The following LGR4 variants were observed in gnomAD, a reference collection of about 807,000 sequenced individuals.
LGR4 encodes leucine-rich repeat-containing G protein-coupled receptor 4.
Under a neutral mutation model 84.8 loss-of-function variants are expected in LGR4, and 44 were observed. The ratio of observed to expected loss-of-function variants is 0.52; its 90% CI spans 0.41 to 0.67. The LOEUF is 0.67. Among genes scored for constraint, LGR4 ranks in the 30% least tolerant of loss-of-function variants. The pLI, the probability that LGR4 is intolerant of heterozygous loss-of-function variation, is 0.00. For synonymous variants in LGR4, 429 were observed against 434.3 expected, an observed-to-expected ratio of 0.99 and a Z score of 0.15; for missense variants, 1,032 against 1,131.4, an observed-to-expected ratio of 0.91 and a Z score of 1.26.
At chr11:27,463,023 A>G (rs1565101701) in intron 1 of LGR4, among the ~76,000 whole-genome samples, 1 of 138,016 alleles carries the variant, frequency 7.2e-6, no homozygotes, top group East Asian at 2.3e-4. Context: ...ACTTGAGCCC[A>G]GGAGTTCAAG....
At chr11:27,397,504 A>C (rs1863413308) in intron 2 of LGR4, among the ~76,000 whole-genome samples, 1 of 152,162 alleles carries the variant, frequency 6.6e-6, no homozygotes, top group Admixed American at 6.5e-5. Context: ...CCCCATTGTA[A>C]GACTCTGGAT....
intron 2 of LGR4, among the ~76,000 whole-genome samples, chr11:27,399,720 C>T (rs1253150225): frequency 6.6e-6 from 1 of 151,600 alleles, no homozygotes; most frequent in Non-Finnish European, 1.5e-5. Flanking sequence ...GGTTTCACCA[C>T]GTTGGCCAGG....
Position 27,371,227 on chromosome 11 carries a change from C to A in LGR4, c.1579+388G>T, listed in dbSNP as rs910252383. Among the ~76,000 whole-genome samples the A allele has an allele frequency of 3.3e-5, 5 of 152,076 alleles. No individual in the cohort carries two copies. In the East Asian group the frequency reaches 9.6e-4, roughly 29 times the overall value. Reference sequence around the variant, plus strand: ...CAGTTTAATAACTTTCCCAAGACTACGAAGTTCAATGAAGTAAATGAGGGG... The same window carrying A: ...CAGTTTAATAACTTTCCCAAGACTAAGAAGTTCAATGAAGTAAATGAGGGG... On this transcript the variant is annotated intron_variant, in intron 17 of 17. Transcript: ENST00000379214.
intron 1 of LGR4, among the ~76,000 whole-genome samples, chr11:27,471,083 G>C (rs956630599): frequency 2.0e-5 from 3 of 152,060 alleles, no homozygotes; most frequent in African/African-American, 4.8e-5. Flanking sequence ...GCCACGCAAC[G>C]CAAGAAGCAA....
chr11:27,398,046 T>G (rs976071282), intron 2 of LGR4, among the ~76,000 whole-genome samples: 1 of 152,248 alleles, frequency 6.6e-6, no homozygotes, highest in African/African-American at 2.4e-5. Flanking sequence ...CTCTTTTGTG[T>G]GCATTTATTA....
chr11:27,392,217 C>T (rs892530051), intron 3 of LGR4, among the ~76,000 whole-genome samples: 22 of 152,042 alleles, frequency 1.4e-4, no homozygotes, highest in African/African-American at 4.6e-4. Context: ...AACATTCAAC[C>T]GTAATATACT....
chr11:27,375,652 G>A (rs201721061), intron 13 of LGR4, among the ~76,000 whole-genome samples: 1 of 152,076 alleles, frequency 6.6e-6, no homozygotes, highest in South Asian at 2.1e-4. Context: ...AGCTTTAGAC[G>A]GCACTTTAAT....
rs536515888 is a variant in LGR4 at position 27,409,972 on chromosome 11, T to C, written c.257+2817A>G. ...CATTTCTCCCCCTAGATCAATGTTG[T>C]CCAATAGAACTTTCTGCAATGATGG... On this transcript the variant is annotated intron_variant, in intron 2 of 17. Transcript: ENST00000379214. Among the ~76,000 whole-genome samples the C allele has an allele frequency of 9.2e-5, 14 of 152,276 alleles. No individual in the cohort carries two copies. The East Asian group carries it at 2.1e-3, about 23-fold the overall frequency.
Position 27,376,509 on chromosome 11 carries a change from T to C in LGR4, c.1110-139A>G, listed in dbSNP as rs1440801254. On this transcript the variant is annotated intron_variant, in intron 12 of 17. Transcript: ENST00000379214. The stretch of plus-strand genomic sequence containing the variant: ...AAATAACATTATAACATTTCTTAGT[T>C]GAGTTTTTTCTAAATTTAAATAACT... The C allele has an allele frequency of 2.3e-5, 11 of 479,714 alleles. No homozygotes were observed. In the Admixed American group the frequency reaches 4.2e-4, roughly 18 times the overall value. The allele number at this position is 479,714 out of a possible 1,614,324, so 29.7% of individuals were successfully genotyped here. A position where few individuals can be genotyped will look rare whatever the true frequency, so the allele number is the denominator to read the frequency against.
intron 1 of LGR4, among the ~76,000 whole-genome samples, chr11:27,441,410 C>T (rs1864301845): frequency 1.3e-5 from 2 of 151,472 alleles, no homozygotes; most frequent in Non-Finnish European, 2.9e-5. Flanking sequence ...AGGTATTTCA[C>T]ACACAAAAAA....
In LGR4 at chr11:27,389,799, T is replaced by C. The variant is rs145862978; in HGVS notation, c.401+1295A>G. ...TATCCACCCGAGGTGAGAGAGTGTGTGAAGTCAGCCGAATAACATTTCTAT... is the reference window on the plus strand; with the variant it reads ...TATCCACCCGAGGTGAGAGAGTGTGCGAAGTCAGCCGAATAACATTTCTAT... On this transcript the variant is annotated intron_variant, in intron 4 of 17. Coordinates refer to ENST00000379214, the MANE Select transcript of LGR4 (RefSeq NM_018490.5). Among the ~76,000 whole-genome samples the C allele has an allele frequency of 9.6e-3, 1,454 of 152,242 alleles. 27 individuals are homozygous for C. The highest frequency in any genetic ancestry group is 0.01 in the Admixed American group (158 of 15,280).
chr11:27,441,882 C>T (rs1207186108), intron 1 of LGR4, among the ~76,000 whole-genome samples: 1 of 152,034 alleles, frequency 6.6e-6, no homozygotes, highest in African/African-American at 2.4e-5. Flanking sequence ...AACTTGGCAC[C>T]CAATCCTCCT....
intron 1 of LGR4, among the ~76,000 whole-genome samples, chr11:27,430,879 C>T (rs74614225): frequency 0.02 from 3,093 of 152,092 alleles, 97 homozygotes; most frequent in African/African-American, 0.071. Flanking sequence ...CATCTCAAAT[C>T]ATCCCCACCC....
At position 27,367,881 on chromosome 11, in the gene LGR4, T is replaced by C. The variant is rs746170706; in HGVS notation, c.2842A>G (p.Arg948Gly). The C allele has an allele frequency of 1.9e-6, 3 of 1,590,730 alleles. No individual in the cohort carries two copies. Among genetic ancestry groups the C allele is most frequent in the Non-Finnish European group, 2.6e-6 (3 of 1,173,130 alleles). The change falls in exon 18 of 18, where the codon AGA becomes GGA. Residue 948 changes from arginine (R) to glycine (G), a missense_variant. Transcript: ENST00000379214. ...CACACAGTAGTTCAGTCTTTAACTC[T>C]TGGTAGATTGTAAGCATAGCGCACC... is the stretch of plus-strand genomic sequence containing the variant. Reference protein sequence around the residue: ...PLVRYAYNLPRVKD With the variant: ...PLVRYAYNLPGVKD
chr11:27,402,366 G>A (rs995897398), intron 2 of LGR4, among the ~76,000 whole-genome samples: 1 of 151,996 alleles, frequency 6.6e-6, no homozygotes, highest in South Asian at 2.1e-4. Flanking sequence ...TCTATGTGGA[G>A]TGATAACAGG....
chr11:27,463,052 G>C (rs1050492091), intron 1 of LGR4, among the ~76,000 whole-genome samples: 10 of 125,020 alleles, frequency 8.0e-5, no homozygotes, highest in Non-Finnish European at 1.6e-4. Context: ...GGGCAACATG[G>C]TGAGACCCTG....
chr11:27,378,793 A>T lies in LGR4; in HGVS notation c.972-25T>A. On this transcript the variant is annotated intron_variant, in intron 10 of 17. Coordinates refer to ENST00000379214, the MANE Select transcript of LGR4 (RefSeq NM_018490.5). ...CCTGCGGAAAAACATTATTCATGTA[A>T]GAAATAATTCAACTCAAGATAGTAA... The T allele has an allele frequency of 2.6e-6, 4 of 1,563,220 alleles. No individual in the cohort carries two copies. In the African/African-American group the frequency reaches 5.4e-5, roughly 21 times the overall value.
chr11:27,373,421 C>T (rs1002432189), intron 15 of LGR4, 130 bp downstream of exon 15: 3 of 821,888 alleles, frequency 3.7e-6, no homozygotes, highest in Admixed American at 2.8e-5. Flanking sequence ...TTTGCAAAGA[C>T]TGACGTAGAA....
chr11:27,385,285 A>C lies in LGR4; in HGVS notation c.585T>G (p.Phe195Leu), dbSNP rs1044153909. The C allele has an allele frequency of 6.3e-7, 1 of 1,590,324 alleles. No homozygotes were observed. The highest frequency in any genetic ancestry group is 8.6e-7 in the Non-Finnish European group (1 of 1,166,414). The change falls in exon 5 of 18, where the codon TTT (phenylalanine) becomes TTG (leucine). Residue 195 changes from phenylalanine to leucine, a missense_variant. Transcript: ENST00000379214. ...CCAGGCTTGAAAGGTTGGTAAATGC[A>C]AAGTCAGGGATGCTTGAGATCTTGT... ...ALNKISSIPD[F>L]AFTNLSSLVV...
Sources: gnomAD v4.1 joint callset for allele counts (sites outside exome capture counted in the v4.1 genomes callset) on GRCh38, gnomAD v4.1.1 for gene constraint, MANE v1.5 for transcripts, NCBI Gene and HGNC (gene_info 2026-07-23, HGNC 2026-07-21) for gene names.